Variants in CNTN5 observed in about 807,000 individuals in gnomAD.
CNTN5 encodes contactin 5, also known as contactin-5.
CNTN5 carries 77 observed loss-of-function variants against 129.1 expected under a neutral mutation model. That is an observed-to-expected ratio of 0.60 (90% CI 0.50 to 0.72). The LOEUF (loss-of-function observed/expected upper bound fraction) is 0.72, where lower values mean the gene tolerates loss of function less well. Ranked by LOEUF, CNTN5 falls within the 30% of genes least tolerant of loss-of-function variation. The probability of loss-of-function intolerance (pLI) is 0.00; values close to 1 mark genes in which losing one functional copy is unlikely to be tolerated. For missense variants in CNTN5, 1,478 were observed against 1,328.8 expected (o/e 1.11, Z -1.75); for synonymous variants, 509 against 465.6 (o/e 1.09, Z -1.20).
At chr11:100,285,712 A>G (rs1950766595) in intron 18 of CNTN5, among the ~76,000 whole-genome samples, 1 of 152,208 alleles carries the variant, frequency 6.6e-6, no homozygotes, top group Non-Finnish European at 1.5e-5. Flanking sequence ...ATGGAAAATT[A>G]TACACATATT....
chr11:99,989,542 ATTAACC>A (rs1269645599), intron 8 of CNTN5, among the ~76,000 whole-genome samples: 1 of 152,140 alleles, frequency 6.6e-6, no homozygotes, highest in Non-Finnish European at 1.5e-5. Flanking sequence ...ACCAAGTCAA[ATTAACC>A]TTAAATTGTA....
In CNTN5 at chr11:99,251,921, A is replaced by G. The variant is rs984709625; in HGVS notation, c.-209-73425A>G. ...TAAAGGTTTAATATGGAATTATTTTAGAAAAGCAAATCATAACTTTTTAGA... is the reference window on the plus strand; with the variant it reads ...TAAAGGTTTAATATGGAATTATTTTGGAAAAGCAAATCATAACTTTTTAGA... On this transcript the variant is annotated intron_variant, in intron 1 of 24. Transcript: ENST00000524871. Among the ~76,000 whole-genome samples the G allele has an allele frequency of 1.1e-4, 16 of 152,142 alleles. 1 individual carries two copies. In the East Asian group the frequency reaches 3.1e-3, roughly 29 times the overall value.
intron 18 of CNTN5, among the ~76,000 whole-genome samples, chr11:100,273,883 A>T (rs1381421131): frequency 6.6e-6 from 1 of 152,206 alleles, no homozygotes; most frequent in Non-Finnish European, 1.5e-5. Context: ...TTTAAAATTC[A>T]TATGAACCAA....
intron 8 of CNTN5, among the ~76,000 whole-genome samples, chr11:99,989,933 T>A (rs1159971787): frequency 6.6e-6 from 1 of 152,076 alleles, no homozygotes; most frequent in Non-Finnish European, 1.5e-5. Flanking sequence ...GCACAGCTAC[T>A]TTTTTGTATT....
At chr11:99,798,677 T>C (rs1946023570) in intron 3 of CNTN5, among the ~76,000 whole-genome samples, 1 of 152,192 alleles carries the variant, frequency 6.6e-6, no homozygotes, top group African/African-American at 2.4e-5. Context: ...TGTACCTTTA[T>C]AGTTTGAAGT....
At chr11:99,517,118 G>T (rs1947085122) in intron 2 of CNTN5, among the ~76,000 whole-genome samples, 1 of 151,974 alleles carries the variant, frequency 6.6e-6, no homozygotes, top group Admixed American at 6.6e-5. Context: ...CCTATAGACA[G>T]GTTTTATCTC....
intron 1 of CNTN5, among the ~76,000 whole-genome samples, chr11:99,187,874 A>C (rs1218210523): frequency 6.7e-6 from 1 of 148,438 alleles, no homozygotes; most frequent in African/African-American, 2.4e-5. Flanking sequence ...ACCACATAGC[A>C]TTATACATTT....
chr11:100,142,778 T>C (rs1242036426), intron 13 of CNTN5, among the ~76,000 whole-genome samples: 1 of 152,144 alleles, frequency 6.6e-6, no homozygotes, highest in Admixed American at 6.6e-5. Context: ...TACTGTAAAG[T>C]ACTTATATGT....
intron 1 of CNTN5, among the ~76,000 whole-genome samples, chr11:99,067,391 C>T (rs1300015949): frequency 3.5e-5 from 5 of 142,450 alleles, no homozygotes; most frequent in Non-Finnish European, 7.6e-5. Flanking sequence ...CCAATGGAGA[C>T]ATGTGCAAGG....
chr11:99,365,389 T>G (rs1215998107), intron 2 of CNTN5, among the ~76,000 whole-genome samples: 2 of 152,202 alleles, frequency 1.3e-5, no homozygotes, highest in Non-Finnish European at 2.9e-5. Context: ...GAAAGTGGTA[T>G]AGCACAAGCC....
chr11:100,053,197 ACTT>A (rs1943047247), intron 9 of CNTN5, among the ~76,000 whole-genome samples: 2 of 151,718 alleles, frequency 1.3e-5, no homozygotes, highest in Admixed American at 1.3e-4. Context: ...GTCAGAAAAT[ACTT>A]CTTAAGACAG....
At chr11:99,464,794 A>G (rs1944869921) in intron 2 of CNTN5, among the ~76,000 whole-genome samples, 1 of 152,204 alleles carries the variant, frequency 6.6e-6, no homozygotes, top group African/African-American at 2.4e-5. Flanking sequence ...GAAATATGTT[A>G]TAATATGTAT....
intron 2 of CNTN5, among the ~76,000 whole-genome samples, chr11:99,466,258 C>T (rs2726388): frequency 0.2 from 30,307 of 152,094 alleles, 3,358 homozygotes; most frequent in Middle Eastern, 0.33. Flanking sequence ...AATCTTTCCT[C>T]ATGACCCAAT....
In CNTN5 at chr11:99,782,516, C is replaced by G. The variant is rs61911575; in HGVS notation, c.56-37028C>G. On this transcript the variant is annotated intron_variant, in intron 3 of 24. Coordinates refer to ENST00000524871, the MANE Select transcript of CNTN5 (RefSeq NM_014361.4). ...TGGAACCAAAAAAGAGCCCGCATTG[C>G]CAAGTCAATCCTAAGCCAAAAGAAC... Among the ~76,000 whole-genome samples the G allele has an allele frequency of 8.4e-3, 1,275 of 151,534 alleles. 14 individuals are homozygous for G. Among genetic ancestry groups the G allele is most frequent in the Non-Finnish European group, 0.01 (712 of 67,894 alleles).
At chr11:99,430,964 C>T (rs888132690) in intron 2 of CNTN5, among the ~76,000 whole-genome samples, 1 of 147,092 alleles carries the variant, frequency 6.8e-6, no homozygotes, top group Non-Finnish European at 1.5e-5. Flanking sequence ...CATCAAGTAG[C>T]CAAAAAAAAA....
intron 1 of CNTN5, among the ~76,000 whole-genome samples, chr11:99,071,884 A>T (rs529706570): frequency 5.9e-5 from 9 of 152,184 alleles, no homozygotes; most frequent in Middle Eastern, 3.4e-3. Flanking sequence ...CAGCATCAAA[A>T]ACCTTCCCAT....
At chr11:99,557,799 C>A (rs1948721559) in intron 3 of CNTN5, among the ~76,000 whole-genome samples, 1 of 151,546 alleles carries the variant, frequency 6.6e-6, no homozygotes, top group African/African-American at 2.4e-5. Context: ...TCTTTATATA[C>A]AGAAATAAAT....
intron 3 of CNTN5, among the ~76,000 whole-genome samples, chr11:99,817,116 T>C: frequency 6.6e-6 from 1 of 152,292 alleles, no homozygotes; most frequent in Admixed American, 6.5e-5. Context: ...CTGCCTTTTT[T>C]CCCCACTAGA....
At chr11:99,804,389 CTT>C (rs1390507383) in intron 3 of CNTN5, among the ~76,000 whole-genome samples, 1 of 151,932 alleles carries the variant, frequency 6.6e-6, no homozygotes, top group Non-Finnish European at 1.5e-5. Context: ...TGCAAGTTGT[CTT>C]TTAAAAAATT....
Sources: gnomAD v4.1 joint callset for allele counts (sites outside exome capture counted in the v4.1 genomes callset) on GRCh38, gnomAD v4.1.1 for gene constraint, MANE v1.5 for transcripts, NCBI Gene and HGNC (gene_info 2026-07-23, HGNC 2026-07-21) for gene names.